TGFBR2: variants seen among roughly 807,000 people sequenced by gnomAD.
TGFBR2 encodes transforming growth factor beta receptor 2, also known as TGF-beta receptor type-2.
TGFBR2 carries 18 observed loss-of-function variants against 49.0 expected under a neutral mutation model. The ratio of observed to expected loss-of-function variants is 0.37; its 90% confidence interval spans 0.25 to 0.54. TGFBR2 has a LOEUF of 0.54. Ranked by LOEUF, TGFBR2 falls within the 20% of genes least tolerant of loss-of-function variation. TGFBR2 has a pLI of 0.85. For synonymous variants in TGFBR2, 282 were observed against 275.9 expected, an observed-to-expected ratio of 1.02 and a Z score of -0.22; for missense variants, 525 against 722.6, an observed-to-expected ratio of 0.73 and a Z score of 3.13.
At chr3:30,689,890 TATTTA>T (rs1336349948) in intron 6 of TGFBR2, among the ~76,000 whole-genome samples, 2 of 152,262 alleles carry the variant, frequency 1.3e-5, no homozygotes, top group Admixed American at 6.5e-5. Context: ...TAATGCTTAA[TATTTA>T]ATTTAATTTA....
Position 30,606,735 on chromosome 3 carries a change from G to A in TGFBR2, c.-149G>A. On this transcript the variant is annotated 5_prime_UTR_variant, in exon 1 of 7. Transcript: ENST00000295754. ...GCCTCCAGGCCCCCTCCTGGCTGGC[G>A]AGCGGGCGCCACATCTGGCCCGCAC... 4 of 505,652 alleles carry A rather than the reference G, an allele frequency of 7.9e-6. No individual in the cohort carries two copies. Among genetic ancestry groups the A allele is most frequent in the East Asian group, 3.5e-5 (1 of 28,190 alleles). 31.3% of individuals were successfully genotyped at this position (505,652 alleles called of 1,614,324 possible).
At chr3:30,671,446 G>A (rs919816642) in intron 3 of TGFBR2, among the ~76,000 whole-genome samples, 192 bp from the exon 4 acceptor site, 3 of 152,312 alleles carry the variant, frequency 2.0e-5, no homozygotes, top group Middle Eastern at 3.4e-3. Context: ...AGGGGATGAC[G>A]AACAGATGGC....
chr3:30,659,758 C>T (rs1575151548), intron 3 of TGFBR2, among the ~76,000 whole-genome samples: 1 of 151,720 alleles, frequency 6.6e-6, no homozygotes. Flanking sequence ...CGGGTGGTTC[C>T]TCTGCAGCCT....
At chr3:30,659,745 G>A (rs1450208455) in intron 3 of TGFBR2, among the ~76,000 whole-genome samples, 1 of 151,642 alleles carries the variant, frequency 6.6e-6, no homozygotes, top group Non-Finnish European at 1.5e-5. Flanking sequence ...CTGTAGCAAG[G>A]TTCGGGTGGT....
At chr3:30,622,640 G>C (rs1237448307) in intron 1 of TGFBR2, among the ~76,000 whole-genome samples, 1 of 152,046 alleles carries the variant, frequency 6.6e-6, no homozygotes, top group East Asian at 1.9e-4. Context: ...CCAGCACTTT[G>C]GGAGGCCGAG....
intron 3 of TGFBR2, among the ~76,000 whole-genome samples, chr3:30,660,574 G>A (rs1333369252): frequency 2.0e-5 from 3 of 152,182 alleles, no homozygotes; most frequent in Non-Finnish European, 4.4e-5. Flanking sequence ...AAGAATGGCA[G>A]CTACCACAGG....
chr3:30,627,446 TG>T (rs771264434), intron 1 of TGFBR2, among the ~76,000 whole-genome samples: 1 of 152,032 alleles, frequency 6.6e-6, no homozygotes, highest in Non-Finnish European at 1.5e-5. Flanking sequence ...TGAGGGCAAT[TG>T]GTACACATGT....
intron 1 of TGFBR2, among the ~76,000 whole-genome samples, chr3:30,642,663 A>G (rs187993554): frequency 4.8e-4 from 73 of 152,356 alleles, no homozygotes; most frequent in African/African-American, 1.6e-3. Flanking sequence ...TGTCCAAAAC[A>G]TACTCTATAC....
chr3:30,648,460 A>ACACACACACACACACACCCC lies in TGFBR2; in HGVS notation c.264-1808_264-1807insCACACACACACACACCCCCA, dbSNP rs1553627538. On this transcript the variant is annotated intron_variant, in intron 2 of 6. Transcript: ENST00000295754. ...CACACACACACACACACACACACAC[A>ACACACACACACACACACCCC]CAAAACTGTGGGGGCAGGGAGGAAG... Among the ~76,000 whole-genome samples the ACACACACACACACACACCCC allele has an allele frequency of 6.3e-5, 9 of 142,484 alleles. 1 individual carries two copies. Among genetic ancestry groups the ACACACACACACACACACCCC allele is most frequent in the Admixed American group, 4.9e-4 (7 of 14,222 alleles). The allele number at this position is 142,484 out of a possible 152,430, so 93.5% of individuals were successfully genotyped here. A position where few individuals can be genotyped will look rare whatever the true frequency, so the allele number is the denominator to read the frequency against.
At chr3:30,651,742 G>A (rs2125412128) in intron 3 of TGFBR2, among the ~76,000 whole-genome samples, 1 of 152,300 alleles carries the variant, frequency 6.6e-6, no homozygotes, top group African/African-American at 2.4e-5. Flanking sequence ...AGAAATATGT[G>A]TATTTTAAAT....
At chr3:30,613,131 C>CTT (rs5847644) in intron 1 of TGFBR2, among the ~76,000 whole-genome samples, 9 of 129,318 alleles carry the variant, frequency 7.0e-5, no homozygotes, top group Non-Finnish European at 8.2e-5. Context: ...ACATGCAGCT[C>CTT]TTTTTTTTTT....
chr3:30,690,914 A>C (rs968085329), intron 6 of TGFBR2, among the ~76,000 whole-genome samples: 1 of 152,242 alleles, frequency 6.6e-6, no homozygotes, highest in Non-Finnish European at 1.5e-5. Context: ...GTGTTAGTTC[A>C]TCAGTTATAA....
intron 4 of TGFBR2, among the ~76,000 whole-genome samples, chr3:30,673,404 G>A (rs1053516756): frequency 1.3e-5 from 2 of 152,128 alleles, no homozygotes; most frequent in Admixed American, 6.5e-5. Flanking sequence ...ATTTAAGTGA[G>A]CCATTCTCTG....
chr3:30,628,902 G>A (rs1698386739), intron 1 of TGFBR2, among the ~76,000 whole-genome samples: 1 of 152,122 alleles, frequency 6.6e-6, no homozygotes, highest in Non-Finnish European at 1.5e-5. Context: ...TACCTCAGCA[G>A]TGACACTACA....
chr3:30,691,522 C>CAT lies in TGFBR2; in HGVS notation c.1628_1629dup (p.Leu544IlefsTer21), dbSNP rs1428269607. On this transcript the variant is annotated frameshift_variant, in exon 7 of 7. Coordinates refer to ENST00000295754, the MANE Select transcript of TGFBR2 (RefSeq NM_003242.6). LOFTEE classifies it high-confidence loss of function. ...GGCAGAACGCTTCAGTGAGCTGGAG[C>CAT]ATCTGGACAGGCTCTCGGGGAGGAG... 1 of 1,614,006 alleles carries CAT rather than the reference C, an allele frequency of 6.2e-7. No homozygotes were observed.
At chr3:30,624,112 C>T (rs1203531402) in intron 1 of TGFBR2, among the ~76,000 whole-genome samples, 1 of 152,098 alleles carries the variant, frequency 6.6e-6, no homozygotes, top group Non-Finnish European at 1.5e-5. Context: ...CATTGCACTC[C>T]AGCCTGGGCA....
At chr3:30,609,749 G>T (rs1013031411) in intron 1 of TGFBR2, among the ~76,000 whole-genome samples, 1 of 152,154 alleles carries the variant, frequency 6.6e-6, no homozygotes, top group Non-Finnish European at 1.5e-5. Context: ...TTAATAACCT[G>T]CTTATTTTGT....
At chr3:30,684,550 TTGTC>T (rs370719267) in intron 5 of TGFBR2, among the ~76,000 whole-genome samples, 17 of 152,260 alleles carry the variant, frequency 1.1e-4, no homozygotes, top group African/African-American at 3.9e-4. Context: ...CTCCCCAGAC[TTGTC>T]TATTTTAAGC....
intron 1 of TGFBR2, among the ~76,000 whole-genome samples, chr3:30,627,097 T>C (rs1698345257): frequency 2.0e-5 from 3 of 152,286 alleles, no homozygotes; most frequent in Admixed American, 6.5e-5. Context: ...AATCTAAAGA[T>C]GTGTGGGGAA....
Sources: gnomAD v4.1 joint callset for allele counts (sites outside exome capture counted in the v4.1 genomes callset) on GRCh38, gnomAD v4.1.1 for gene constraint, MANE v1.5 for transcripts, NCBI Gene and HGNC (gene_info 2026-07-23, HGNC 2026-07-21) for gene names.